PAPPA2: variants seen among roughly 807,000 people sequenced by gnomAD.
PAPPA2 encodes the protein pappalysin-2.
A neutral mutation model predicts 176.4 loss-of-function variants in PAPPA2; 86 were observed. The ratio of observed to expected loss-of-function variants is 0.49; its 90% confidence interval spans 0.41 to 0.58. PAPPA2 has a LOEUF of 0.58. PAPPA2 is among the 20% of genes least tolerant of loss of function. The probability of loss-of-function intolerance (pLI) is 0.00; values close to 1 mark genes in which losing one functional copy is unlikely to be tolerated. For missense variants in PAPPA2, 2,073 were observed against 2,256.9 expected (o/e 0.92, Z 1.65); for synonymous variants, 809 against 852.2 (o/e 0.95, Z 0.88).
At chr1:176,558,043 A>T (rs1160910876) in intron 2 of PAPPA2, among the ~76,000 whole-genome samples, 1 of 152,252 alleles carries the variant, frequency 6.6e-6, no homozygotes, top group Non-Finnish European at 1.5e-5. Context: ...GGGCAAAGAA[A>T]AATGAGGTTA....
intron 3 of PAPPA2, among the ~76,000 whole-genome samples, chr1:176,666,226 A>G (rs1465190833): frequency 2.0e-5 from 3 of 152,170 alleles, no homozygotes; most frequent in Non-Finnish European, 2.9e-5. Context: ...GAGTTTTAGG[A>G]AGGAGAAATA....
At position 176,835,677 on chromosome 1, in the gene PAPPA2, G is replaced by A. The variant is rs536160309; in HGVS notation, c.5203-4496G>A. 3.9e-4 allele frequency among the ~76,000 whole-genome samples: 60 copies of A among 152,196 alleles called. No individual in the cohort carries two copies. The Middle Eastern group carries it at 0.01, about 26-fold the overall frequency. ...TGGGATTACAGGCAGGCACCACCAC[G>A]CCCGGCTAGTTTTGTATTTTTAGTA... On this transcript the variant is annotated intron_variant, in intron 21 of 22. Coordinates refer to ENST00000367662, the MANE Select transcript of PAPPA2 (RefSeq NM_020318.3).
intron 14 of PAPPA2, among the ~76,000 whole-genome samples, chr1:176,757,797 G>A (rs528903600): frequency 1.7e-4 from 26 of 152,098 alleles, no homozygotes; most frequent in African/African-American, 5.8e-4. Context: ...GTCCTGAGTG[G>A]TATTGCCTAG....
chr1:176,649,710 G>A (rs760013937), intron 3 of PAPPA2, among the ~76,000 whole-genome samples: 1 of 151,404 alleles, frequency 6.6e-6, no homozygotes, highest in Non-Finnish European at 1.5e-5. Context: ...TGTGTTTTCT[G>A]ACATTCCTTT....
intron 3 of PAPPA2, among the ~76,000 whole-genome samples, chr1:176,626,220 T>A (rs1261932515): frequency 6.6e-6 from 1 of 152,176 alleles, no homozygotes; most frequent in Non-Finnish European, 1.5e-5. Context: ...ATATCCTAAT[T>A]TTTCTGATAA....
intron 8 of PAPPA2, among the ~76,000 whole-genome samples, chr1:176,700,081 C>T (rs1320135834): frequency 1.3e-5 from 2 of 152,200 alleles, no homozygotes; most frequent in Admixed American, 6.5e-5. Context: ...CCCCTTCTCT[C>T]ATTTTCCCCC....
intron 10 of PAPPA2, among the ~76,000 whole-genome samples, 159 bp from the exon 11 acceptor site, chr1:176,709,824 A>G (rs150656165): frequency 6.6e-6 from 1 of 152,152 alleles, no homozygotes; most frequent in Non-Finnish European, 1.5e-5. Context: ...TGTGGGATGT[A>G]TGTGTATCTG....
chr1:176,691,164 T>G, intron 5 of PAPPA2: 1 of 983,856 alleles, frequency 1.0e-6, no homozygotes, highest in Non-Finnish European at 1.2e-6. Context: ...TATAATGGAC[T>G]CAAAGTTATC....
intron 1 of PAPPA2, among the ~76,000 whole-genome samples, chr1:176,546,187 A>G (rs1282333458): frequency 1.3e-5 from 2 of 152,232 alleles, no homozygotes; most frequent in Non-Finnish European, 2.9e-5. Context: ...GGACAGCTGG[A>G]GAAACACTGC....
At chr1:176,668,759 C>G (rs1227682587) in intron 3 of PAPPA2, among the ~76,000 whole-genome samples, 1 of 152,138 alleles carries the variant, frequency 6.6e-6, no homozygotes, top group Non-Finnish European at 1.5e-5. Flanking sequence ...ATGACTCTTT[C>G]TAGCTTTTTA....
chr1:176,556,834 C>T lies in PAPPA2; in HGVS notation c.512C>T (p.Thr171Ile). 6.2e-7 allele frequency: 1 copy of T among 1,613,962 alleles called. No homozygotes were observed. ...GIQKGSAMAA[T>I]TTTAIFTTLN... ...CAGAAAGGCTCAGCCATGGCTGCCA[C>T]TACTACCACCGCCATTTTCACAACC... The change falls in exon 2 of 23, where the codon ACT (threonine) becomes ATT (isoleucine). Residue 171 changes from threonine (T) to isoleucine (I), a missense_variant. Thr to Ile is a moderately conservative substitution (Grantham distance 89). Coordinates refer to ENST00000367662, the MANE Select transcript of PAPPA2 (RefSeq NM_020318.3).
At chr1:176,799,488 C>A (rs991057963) in intron 20 of PAPPA2, among the ~76,000 whole-genome samples, 2 of 152,146 alleles carry the variant, frequency 1.3e-5, no homozygotes, top group African/African-American at 4.8e-5. Context: ...TGTGTACTGT[C>A]TGGTTTCCTA....
intron 15 of PAPPA2, among the ~76,000 whole-genome samples, chr1:176,768,293 C>T (rs1664068212): frequency 6.6e-6 from 1 of 152,034 alleles, no homozygotes; most frequent in South Asian, 2.1e-4. Context: ...TCCTGTATTA[C>T]CTATTCTGTG....
At chr1:176,709,658 T>C (rs1368114754) in intron 10 of PAPPA2, among the ~76,000 whole-genome samples, 1 of 152,232 alleles carries the variant, frequency 6.6e-6, no homozygotes, top group Non-Finnish European at 1.5e-5. Context: ...AATATCTTAC[T>C]CAACTATTAC....
intron 17 of PAPPA2, among the ~76,000 whole-genome samples, chr1:176,775,573 C>G (rs1664422651): frequency 6.6e-6 from 1 of 152,138 alleles, no homozygotes; most frequent in Non-Finnish European, 1.5e-5. Flanking sequence ...TACCTCTCAA[C>G]AAGCTCACCA....
At position 176,692,111 on chromosome 1, in the gene PAPPA2, T is replaced by C; in HGVS notation, c.2432-15T>C. ...AAAATCTCCATCTCTTGTGCCACCTTTTTTGTCTCCACAGATGATAACTGC... is the reference window on the plus strand; with the variant it reads ...AAAATCTCCATCTCTTGTGCCACCTCTTTTGTCTCCACAGATGATAACTGC... On this transcript the variant is annotated splice_polypyrimidine_tract_variant and intron_variant, in intron 5 of 22. Coordinates refer to ENST00000367662, the MANE Select transcript of PAPPA2 (RefSeq NM_020318.3). The C allele has an allele frequency of 6.3e-7, 1 of 1,598,036 alleles. No homozygotes were observed. The highest frequency in any genetic ancestry group is 8.6e-7 in the Non-Finnish European group (1 of 1,168,108).
chr1:176,616,522 T>G (rs954398397), intron 3 of PAPPA2: 1 of 1,231,308 alleles, frequency 8.1e-7, no homozygotes, highest in African/African-American at 1.5e-5. Flanking sequence ...CAAAACTTAA[T>G]TTTTACAAAA....
At chr1:176,640,641 A>G (rs1657023618) in intron 3 of PAPPA2, among the ~76,000 whole-genome samples, 1 of 152,014 alleles carries the variant, frequency 6.6e-6, no homozygotes, top group South Asian at 2.1e-4. Flanking sequence ...ATAGTGCCGC[A>G]ATAAATATAC....
rs527581355 is a variant in PAPPA2, at chr1:176,753,313, C to G, written c.4152-12353C>G. On this transcript the variant is annotated intron_variant, in intron 14 of 22. Coordinates refer to ENST00000367662, the MANE Select transcript of PAPPA2 (RefSeq NM_020318.3). ...GGTCTTGGTAATAGTATTATTTCAT[C>G]TCTATTATCTGTCATGCTGCTTCAT... Among the ~76,000 whole-genome samples, 20 of 152,278 alleles carry G rather than the reference C, an allele frequency of 1.3e-4. No individual in the cohort carries two copies. The South Asian group carries it at 4.1e-3, about 32-fold the overall frequency.
Sources: allele counts gnomAD v4.1 joint callset (sites outside exome capture counted in the v4.1 genomes callset), GRCh38; gene constraint gnomAD v4.1.1; transcripts MANE v1.5; gene names NCBI Gene and HGNC (gene_info 2026-07-23, HGNC 2026-07-21).